AEBP2: variants seen among roughly 807,000 people sequenced by gnomAD.
The protein encoded by AEBP2 is zinc finger protein AEBP2.
In AEBP2, 10 loss-of-function variants were observed where a neutral mutation model predicts 50.8. The ratio of observed to expected loss-of-function variants is 0.20; its 90% CI spans 0.12 to 0.33. The LOEUF (loss-of-function observed/expected upper bound fraction) is 0.33, where lower values mean the gene tolerates loss of function less well. Ranked by LOEUF, AEBP2 falls within the 10% of genes least tolerant of loss-of-function variation. The pLI is 1.00. For missense variants in AEBP2, 570 were observed against 688.0 expected, an observed-to-expected ratio of 0.83 and a Z score of 1.92; for synonymous variants, 296 against 261.3, an observed-to-expected ratio of 1.13 and a Z score of -1.28.
chr12:19,489,942 A>G (rs11044601), intron 3 of AEBP2, among the ~76,000 whole-genome samples: 3,145 of 139,556 alleles, frequency 0.023, 39 homozygotes, highest in East Asian at 0.044. Context: ...TAGAATTCTC[A>G]TTACTGGTTT....
chr12:19,445,011 T>A (rs1487120983), intron 1 of AEBP2, among the ~76,000 whole-genome samples: 2 of 150,736 alleles, frequency 1.3e-5, no homozygotes, highest in Admixed American at 1.3e-4. Flanking sequence ...CACAGGCACC[T>A]GGCCCAACAG....
chr12:19,489,650 C>T (rs967464070), intron 3 of AEBP2, among the ~76,000 whole-genome samples: 10 of 152,114 alleles, frequency 6.6e-5, no homozygotes, highest in Non-Finnish European at 1.2e-4. Context: ...TAAAACCATA[C>T]TCAGCAACAT....
intron 1 of AEBP2, among the ~76,000 whole-genome samples, chr12:19,419,924 C>T (rs12228961): frequency 0.022 from 3,408 of 152,086 alleles, 48 homozygotes; most frequent in East Asian, 0.043. Context: ...AGTGAGACTC[C>T]GTCCTTCCAA....
intron 3 of AEBP2, among the ~76,000 whole-genome samples, chr12:19,488,077 GT>G (rs1948838644): frequency 6.6e-6 from 1 of 151,116 alleles, no homozygotes; most frequent in Admixed American, 6.6e-5. Context: ...GTTAATTACT[GT>G]TGTTGCCCTC....
Position 19,426,328 on chromosome 12 carries a change from C to G in AEBP2, c.-17+22112C>G, listed in dbSNP as rs137932505. On this transcript the variant is annotated intron_variant, in intron 1 of 3. Transcript: ENST00000538425. ...GTCTGTCTTGAGTGCATCTGTCATTCAACAGCACCTAAAAGGACAGAGGAG... is the reference window on the plus strand; with the variant it reads ...GTCTGTCTTGAGTGCATCTGTCATTGAACAGCACCTAAAAGGACAGAGGAG... 7.8e-4 allele frequency among the ~76,000 whole-genome samples: 119 copies of G among 152,276 alleles called. 1 individual carries two copies. Among genetic ancestry groups the G allele is most frequent in the African/African-American group, 2.7e-3 (111 of 41,556 alleles).
At chr12:19,494,094 C>CA (rs1948934361) in intron 4 of AEBP2, 108 bp downstream of exon 4, 4 of 1,236,626 alleles carry the variant, frequency 3.2e-6, no homozygotes, top group Admixed American at 2.7e-5. Flanking sequence ...TTAAAAGTAA[C>CA]AAACAGGTAG....
chr12:19,437,935 GT>G (rs952905557), upstream of AEBP2, among the ~76,000 whole-genome samples: 1 of 152,202 alleles, frequency 6.6e-6, no homozygotes, highest in African/African-American at 2.4e-5. Flanking sequence ...CAGGCAGTCA[GT>G]TCTATCCTCA....
chr12:19,481,667 C>T (rs113030098), intron 3 of AEBP2, among the ~76,000 whole-genome samples: 9 of 151,924 alleles, frequency 5.9e-5, no homozygotes, highest in African/African-American at 1.7e-4. Flanking sequence ...TTAGTAGAGA[C>T]GGGGTTTCAC....
chr12:19,491,775 ATC>A (rs1261947915), intron 3 of AEBP2, among the ~76,000 whole-genome samples: 4 of 152,126 alleles, frequency 2.6e-5, no homozygotes, highest in African/African-American at 9.7e-5. Context: ...ACTTAGTAAT[ATC>A]TATGATTTGC....
At chr12:19,478,043 GT>G (rs1253770827) in intron 3 of AEBP2, among the ~76,000 whole-genome samples, 6 of 152,092 alleles carry the variant, frequency 3.9e-5, no homozygotes, top group African/African-American at 1.4e-4. Flanking sequence ...CTTTTGTTTT[GT>G]TTCTAATTGG....
At chr12:19,503,883 G>T (rs1288069794) in intron 5 of AEBP2, among the ~76,000 whole-genome samples, 1 of 152,054 alleles carries the variant, frequency 6.6e-6, no homozygotes. Context: ...CCAGGCTGGA[G>T]TGCAGTGGCA....
intron 4 of AEBP2, among the ~76,000 whole-genome samples, chr12:19,497,352 T>TTTTTTTTTTTG (rs71067031): frequency 6.9e-6 from 1 of 144,916 alleles, no homozygotes; most frequent in Non-Finnish European, 1.5e-5. Context: ...TTTTTTTTTT[T>TTTTTTTTTTTG]GAGACAGAGT....
intron 3 of AEBP2, among the ~76,000 whole-genome samples, chr12:19,493,421 G>A (rs902439557): frequency 6.6e-6 from 1 of 151,948 alleles, no homozygotes; most frequent in African/African-American, 2.4e-5. Flanking sequence ...ATAAAATTCA[G>A]GAATCCAGTC....
intron 6 of AEBP2, among the ~76,000 whole-genome samples, chr12:19,513,892 A>G (rs1172899766): frequency 1.0e-5 from 1 of 100,344 alleles, no homozygotes; most frequent in Admixed American, 1.0e-4. Context: ...GGCCGCATGC[A>G]TTTTTTTTTT....
chr12:19,487,908 TGA>T (rs966373387), intron 3 of AEBP2, among the ~76,000 whole-genome samples: 1 of 152,122 alleles, frequency 6.6e-6, no homozygotes, highest in African/African-American at 2.4e-5. Context: ...TGAAAAAAGT[TGA>T]GATCTCATGT....
chr12:19,470,807 T>C (rs11044580), intron 2 of AEBP2, among the ~76,000 whole-genome samples: 2 of 151,988 alleles, frequency 1.3e-5, no homozygotes, highest in Non-Finnish European at 2.9e-5. Context: ...AATCTTATCT[T>C]TAAGAGTATT....
At chr12:19,472,818 A>C (rs1484489939) in intron 2 of AEBP2, among the ~76,000 whole-genome samples, 1 of 152,130 alleles carries the variant, frequency 6.6e-6, no homozygotes, top group African/African-American at 2.4e-5. Flanking sequence ...TGGTCATTTC[A>C]TTAATTTTTT....
chr12:19,411,122 A>C (rs2095739027), intron 1 of AEBP2, among the ~76,000 whole-genome samples: 1 of 152,232 alleles, frequency 6.6e-6, no homozygotes, highest in South Asian at 2.1e-4. Flanking sequence ...TTACTGACAT[A>C]AACTAAAGAA....
chr12:19,431,597 C>T (rs1592710118), intron 1 of AEBP2, among the ~76,000 whole-genome samples: 1 of 152,092 alleles, frequency 6.6e-6, no homozygotes, highest in Admixed American at 6.6e-5. Flanking sequence ...TTATGGTGGA[C>T]GGGTGTCAGC....
Sources: gnomAD v4.1 joint callset for allele counts (sites outside exome capture counted in the v4.1 genomes callset) on GRCh38, gnomAD v4.1.1 for gene constraint, MANE v1.5 for transcripts, NCBI Gene and HGNC (gene_info 2026-07-23, HGNC 2026-07-21) for gene names.